ATP9B: variants seen among roughly 807,000 people sequenced by gnomAD.
ATP9B encodes ATPase phospholipid transporting 9B.
A neutral mutation model predicts 146.1 loss-of-function variants in ATP9B; 110 were observed. The ratio of observed to expected loss-of-function variants is 0.75; its 90% confidence interval spans 0.65 to 0.88. ATP9B has a LOEUF of 0.88. ATP9B is among the 40% of genes least tolerant of loss of function. The pLI, the probability that ATP9B is intolerant of heterozygous loss-of-function variation, is 0.00. For missense variants in ATP9B, 1,499 were observed against 1,496.4 expected, an observed-to-expected ratio of 1.00 and a Z score of -0.03; for synonymous variants, 604 against 569.7, an observed-to-expected ratio of 1.06 and a Z score of -0.86.
chr18:79,113,231 T>A lies in ATP9B; in HGVS notation c.445-10T>A. The stretch of plus-strand genomic sequence containing the variant: ...AAGGAATTTTGTTAATTTTCTCTTT[T>A]CCTTTTTAGGTTTTGTATGAACAAT... On this transcript the variant is annotated splice_polypyrimidine_tract_variant and intron_variant, in intron 3 of 29. Coordinates refer to ENST00000426216, the MANE Select transcript of ATP9B (RefSeq NM_198531.5). 6.7e-7 allele frequency: 1 copy of A among 1,488,456 alleles called. No homozygotes were observed. Among genetic ancestry groups the A allele is most frequent in the Non-Finnish European group, 9.2e-7 (1 of 1,086,934 alleles). 92.2% of individuals were successfully genotyped at this position (1,488,456 alleles called of 1,614,324 possible). A position where few individuals can be genotyped will look rare whatever the true frequency, so the allele number is the denominator to read the frequency against.
intron 1 of ATP9B, among the ~76,000 whole-genome samples, chr18:79,070,440 T>C (rs565420868): frequency 1.3e-5 from 2 of 152,376 alleles, no homozygotes; most frequent in African/African-American, 4.8e-5. Context: ...AAGCCATGGT[T>C]TCCTCATCTG....
At chr18:79,366,754 C>T (rs531205935) in intron 26 of ATP9B, among the ~76,000 whole-genome samples, 65 of 152,292 alleles carry the variant, frequency 4.3e-4, no homozygotes, top group African/African-American at 1.5e-3. Flanking sequence ...GACCCTGTGC[C>T]GTCCCCCACC....
chr18:79,084,132 C>A (rs1454187042), intron 1 of ATP9B, among the ~76,000 whole-genome samples: 1 of 151,034 alleles, frequency 6.6e-6, no homozygotes, highest in Non-Finnish European at 1.5e-5. Context: ...GCTGGGATTA[C>A]AGGCGTGAGC....
rs907585214 is a variant in ATP9B, at chr18:79,072,856, G to C, written c.119+3327G>C. ...TCAGATGGGGCGGCCGGGCAGAGGCGCTCCTCAGTTCCCAGACAGGGTGGC... is the reference window on the plus strand; with the variant it reads ...TCAGATGGGGCGGCCGGGCAGAGGCCCTCCTCAGTTCCCAGACAGGGTGGC... On this transcript the variant is annotated intron_variant, in intron 1 of 29. Transcript: ENST00000426216. Among the ~76,000 whole-genome samples, 7 of 151,846 alleles carry C rather than the reference G, an allele frequency of 4.6e-5. 1 individual carries two copies. The highest frequency in any genetic ancestry group is 2.9e-5 in the Non-Finnish European group (2 of 67,924).
chr18:79,238,079 G>T (rs945427938), intron 11 of ATP9B, among the ~76,000 whole-genome samples: 4 of 152,016 alleles, frequency 2.6e-5, no homozygotes, highest in Non-Finnish European at 5.9e-5. Context: ...AAAAATTTTG[G>T]TGATGTATTT....
chr18:79,308,289 T>C (rs1375931194), intron 15 of ATP9B, among the ~76,000 whole-genome samples: 1 of 151,742 alleles, frequency 6.6e-6, no homozygotes, highest in Non-Finnish European at 1.5e-5. Flanking sequence ...CCTGAAAAAA[T>C]TGAACATGGA....
chr18:79,221,236 C>T (rs2095673666), intron 11 of ATP9B, among the ~76,000 whole-genome samples: 1 of 152,140 alleles, frequency 6.6e-6, no homozygotes, highest in African/African-American at 2.4e-5. Flanking sequence ...CCACCTCCAC[C>T]ACCGACTACC....
intron 17 of ATP9B, among the ~76,000 whole-genome samples, chr18:79,335,177 A>G (rs2096816865): frequency 6.6e-6 from 1 of 152,214 alleles, no homozygotes; most frequent in Non-Finnish European, 1.5e-5. Context: ...GGATGTAGCT[A>G]TTAACTATGA....
chr18:79,160,229 C>T (rs1168798275), intron 7 of ATP9B, among the ~76,000 whole-genome samples: 2 of 152,220 alleles, frequency 1.3e-5, no homozygotes, highest in Non-Finnish European at 2.9e-5. Context: ...TAACACAGCT[C>T]ACTCTTAGCT....
chr18:79,310,166 A>G (rs1378070473), intron 15 of ATP9B, among the ~76,000 whole-genome samples: 2 of 151,778 alleles, frequency 1.3e-5, no homozygotes, highest in Non-Finnish European at 3.0e-5. Context: ...CTTGCAGCAG[A>G]GACTCAAGTC....
chr18:79,199,647 C>G (rs531096212), intron 9 of ATP9B, among the ~76,000 whole-genome samples: 2 of 151,978 alleles, frequency 1.3e-5, no homozygotes, highest in African/African-American at 4.8e-5. Context: ...CCTGTAGTCC[C>G]AGCTATTCAG....
At chr18:79,283,579 A>G (rs1281309041) in intron 13 of ATP9B, among the ~76,000 whole-genome samples, 1 of 152,206 alleles carries the variant, frequency 6.6e-6, no homozygotes, top group Non-Finnish European at 1.5e-5. Flanking sequence ...ATGTGGTATA[A>G]TTAGGTTTGA....
chr18:79,319,360 G>T (rs753115311), intron 15 of ATP9B, among the ~76,000 whole-genome samples: 1 of 152,118 alleles, frequency 6.6e-6, no homozygotes, highest in Non-Finnish European at 1.5e-5. Flanking sequence ...AGTTCCCTAG[G>T]GGTCCCTGCC....
rs572419667 is a variant in ATP9B at position 79,139,814 on chromosome 18, C to G, written c.668-3988C>G. ...CCTATTAACCATCCTCGCTTCCCCC[C>G]ACAACTCCCACTAACCTTCCCAGCC... On this transcript the variant is annotated intron_variant, in intron 5 of 29. Transcript: ENST00000426216. Among the ~76,000 whole-genome samples, 9 of 152,286 alleles carry G rather than the reference C, an allele frequency of 5.9e-5. No homozygotes were observed. The East Asian group carries it at 1.2e-3, about 20-fold the overall frequency.
At chr18:79,115,455 A>G (rs1348320535) in intron 4 of ATP9B, 1 of 139,412 alleles carries the variant, frequency 7.2e-6, no homozygotes, top group Non-Finnish European at 1.5e-5. Context: ...AAGAGTCTGC[A>G]TCGCCAAATC....
At chr18:79,140,758 C>G (rs2094504044) in intron 5 of ATP9B, among the ~76,000 whole-genome samples, 1 of 151,982 alleles carries the variant, frequency 6.6e-6, no homozygotes, top group South Asian at 2.1e-4. Context: ...CCAGCCTGGG[C>G]AACAAGAGTG....
chr18:79,157,407 A>AAAAAAAAACAAAC (rs2094807106), intron 7 of ATP9B, among the ~76,000 whole-genome samples: 1 of 147,282 alleles, frequency 6.8e-6, no homozygotes, highest in Non-Finnish European at 1.5e-5. Flanking sequence ...AAAAAAAAAA[A>AAAAAAAAACAAAC]AAAAAAAAAA....
chr18:79,153,725 A>T (rs1178588187), intron 6 of ATP9B, among the ~76,000 whole-genome samples: 4 of 149,926 alleles, frequency 2.7e-5, no homozygotes, highest in Non-Finnish European at 5.9e-5. Context: ...AACATGGCTC[A>T]CTGCTGCCTT....
chr18:79,345,395 A>G, intron 21 of ATP9B, 33 bp from the exon 22 acceptor site: 2 of 1,609,478 alleles, frequency 1.2e-6, no homozygotes, highest in African/African-American at 1.3e-5. Flanking sequence ...GTTGTCGACC[A>G]TAAGGCAAAA....
Sources: allele counts gnomAD v4.1 joint callset (sites outside exome capture counted in the v4.1 genomes callset), GRCh38; gene constraint gnomAD v4.1.1; transcripts MANE v1.5; gene names NCBI Gene and HGNC (gene_info 2026-07-23, HGNC 2026-07-21).